TRIM37: variants seen among roughly 807,000 people sequenced by gnomAD.
TRIM37 encodes the protein tripartite motif containing 37, also known as E3 ubiquitin-protein ligase TRIM37.
A neutral mutation model predicts 129.8 loss-of-function variants in TRIM37; 80 were observed. The ratio of observed to expected loss-of-function variants is 0.62; its 90% CI spans 0.51 to 0.74. The LOEUF is 0.74. Ranked by LOEUF, TRIM37 falls within the 30% of genes least tolerant of loss-of-function variation. The pLI is 0.00. For synonymous variants in TRIM37, 389 were observed against 387.1 expected, an observed-to-expected ratio of 1.00 and a Z score of -0.06; for missense variants, 1,054 against 1,176.5, an observed-to-expected ratio of 0.90 and a Z score of 1.52.
chr17:58,973,699 T>C, the TRIM37 span, among the ~76,000 whole-genome samples: 3 of 151,926 alleles, frequency 2.0e-5, no homozygotes, highest in Non-Finnish European at 4.4e-5. Flanking sequence ...ACGCCTGTAT[T>C]CCCAGCACTT....
At chr17:59,031,780 T>C (rs1427762676) in intron 18 of TRIM37, 116 bp downstream of exon 18, 2 of 1,058,478 alleles carry the variant, frequency 1.9e-6, no homozygotes, top group Non-Finnish European at 2.8e-6. Flanking sequence ...TGGTATACAA[T>C]GAAAAACACA....
intron 3 of TRIM37, among the ~76,000 whole-genome samples, chr17:59,088,612 G>A (rs1356635669): frequency 6.6e-6 from 1 of 151,692 alleles, no homozygotes; most frequent in Non-Finnish European, 1.5e-5. Context: ...GACCTCCTAG[G>A]CTCAAGCGAT....
chr17:58,986,452 C>T (rs2031819880), intron 24 of TRIM37, among the ~76,000 whole-genome samples: 1 of 151,270 alleles, frequency 6.6e-6, no homozygotes, highest in African/African-American at 2.4e-5. Context: ...ACCCTCCCAC[C>T]TCGGCCTCCC....
downstream of TRIM37, among the ~76,000 whole-genome samples, chr17:58,995,859 T>C (rs144045889): frequency 1.3e-3 from 202 of 152,006 alleles, 1 homozygote; most frequent in African/African-American, 4.0e-3. Context: ...ATACAAAAAT[T>C]ATCCCAGTGT....
rs776749961 is a variant in TRIM37 at position 59,051,220 on chromosome 17, A to G, written c.1308T>C (p.Leu436=). 2 of 1,597,576 alleles carry G rather than the reference A, an allele frequency of 1.3e-6. No individual in the cohort carries two copies. The highest frequency in any genetic ancestry group is 1.7e-6 in the Non-Finnish European group (2 of 1,164,962). ...GAAATAGATATTTTCTTACCTCTTT[A>G]AGGTTGTTTATTTGTTGGATATAAC... ...QTSYIQQINN[L]KERLTIELSR... is the part of the protein sequence containing the mutation. The change falls in exon 14 of 24, where the codon CTT becomes CTC. Residue 436 remains leucine, a synonymous_variant. Coordinates refer to ENST00000262294, the MANE Select transcript of TRIM37 (RefSeq NM_015294.6).
intron 8 of TRIM37, among the ~76,000 whole-genome samples, chr17:59,071,461 T>C (rs893583794): frequency 6.6e-6 from 1 of 151,912 alleles, no homozygotes; most frequent in Non-Finnish European, 1.5e-5. Flanking sequence ...AATTTTTGTA[T>C]TTTTTAGTAG....
chr17:58,977,811 G>C (rs2031108770), downstream of TRIM37, among the ~76,000 whole-genome samples: 1 of 152,036 alleles, frequency 6.6e-6, no homozygotes, highest in Admixed American at 6.6e-5. Context: ...GGCGCAATCT[G>C]GGCTCACTGC....
At chr17:59,016,046 T>C (rs1555643097) in intron 20 of TRIM37, among the ~76,000 whole-genome samples, 3 of 152,060 alleles carry the variant, frequency 2.0e-5, no homozygotes, top group Non-Finnish European at 2.9e-5. Flanking sequence ...GAAAGGTCTC[T>C]CTCAGTTACA....
At chr17:58,983,958 C>T (rs2031557858) in intron 24 of TRIM37, 1 of 152,604 alleles carries the variant, frequency 6.6e-6, no homozygotes, top group South Asian at 2.1e-4. Flanking sequence ...TTACAGGTTT[C>T]CTTTGTTCAC....
At chr17:59,064,582 G>T (rs1354631730) in intron 9 of TRIM37, among the ~76,000 whole-genome samples, 177 bp from the exon 10 acceptor site, 1 of 152,052 alleles carries the variant, frequency 6.6e-6, no homozygotes, top group Non-Finnish European at 1.5e-5. Flanking sequence ...AAACCATCAA[G>T]TTTGCAATTA....
intron 24 of TRIM37, among the ~76,000 whole-genome samples, chr17:58,989,831 TG>T (rs1356949125): frequency 6.6e-6 from 1 of 151,970 alleles, no homozygotes; most frequent in African/African-American, 2.4e-5. Flanking sequence ...GAAGAGATAA[TG>T]GCTTAGAGTT....
chr17:59,088,803 C>A (rs1187819546), intron 3 of TRIM37, among the ~76,000 whole-genome samples: 1 of 150,236 alleles, frequency 6.7e-6, no homozygotes, highest in African/African-American at 2.5e-5. Flanking sequence ...CTACCTGGCC[C>A]CATAATACTA....
intron 7 of TRIM37, among the ~76,000 whole-genome samples, chr17:59,077,149 T>C (rs1237752323): frequency 2.0e-5 from 3 of 151,918 alleles, no homozygotes; most frequent in South Asian, 2.1e-4. Context: ...GGCTGGAGTA[T>C]AGTGGCGTGA....
intron 24 of TRIM37, among the ~76,000 whole-genome samples, chr17:58,992,322 A>AATATAT (rs35222079): frequency 2.2e-5 from 3 of 137,786 alleles, no homozygotes; most frequent in East Asian, 2.0e-4. Context: ...TACATATGTA[A>AATATAT]ATATATATAT....
At chr17:59,099,396 C>CT (rs996645720) in intron 2 of TRIM37, among the ~76,000 whole-genome samples, 45 of 147,258 alleles carry the variant, frequency 3.1e-4, no homozygotes, top group Admixed American at 1.8e-3. Context: ...TTTCTTTTTT[C>CT]TTTTTTTTTA....
intron 24 of TRIM37, chr17:58,983,625 A>G (rs1293538971): frequency 1.3e-5 from 2 of 152,610 alleles, no homozygotes; most frequent in Non-Finnish European, 2.9e-5. Flanking sequence ...GACAGATATA[A>G]AAGTATCTAT....
At chr17:59,090,699 C>T (rs1460271943) in intron 3 of TRIM37, among the ~76,000 whole-genome samples, 1 of 152,094 alleles carries the variant, frequency 6.6e-6, no homozygotes, top group Non-Finnish European at 1.5e-5. Flanking sequence ...GATCTCAGCT[C>T]ACTCCAACCT....
chr17:59,088,472 C>A (rs867300179), intron 3 of TRIM37, 65 bp from the exon 4 acceptor site: 1 of 1,020,560 alleles, frequency 9.8e-7, no homozygotes, highest in Non-Finnish European at 1.5e-6. Flanking sequence ...AAAATAAATA[C>A]GTTTCTCAAA....
At chr17:59,018,251 C>T (rs1598921742) in intron 19 of TRIM37, among the ~76,000 whole-genome samples, 1 of 151,962 alleles carries the variant, frequency 6.6e-6, no homozygotes, top group African/African-American at 2.4e-5. Context: ...AGCAAGAATG[C>T]TATTGCCAGA....
Sources: allele counts gnomAD v4.1 joint callset (sites outside exome capture counted in the v4.1 genomes callset), GRCh38; gene constraint gnomAD v4.1.1; transcripts MANE v1.5; gene names NCBI Gene and HGNC (gene_info 2026-07-23, HGNC 2026-07-21).